The following DUSP7 variants were observed in gnomAD, a reference collection of about 807,000 sequenced individuals.
DUSP7 encodes the protein dual specificity protein phosphatase 7.
DUSP7 carries 7 observed loss-of-function variants against 29.8 expected under a neutral mutation model. The observed-to-expected ratio is 0.24, with a 90% CI of 0.13 to 0.44. DUSP7 has a LOEUF of 0.44. Ranked by LOEUF, DUSP7 falls within the 20% of genes least tolerant of loss-of-function variation. DUSP7 has a pLI of 1.00. For missense variants in DUSP7, 400 were observed against 583.7 expected, an observed-to-expected ratio of 0.69 and a Z score of 3.24; for synonymous variants, 287 against 275.4, an observed-to-expected ratio of 1.04 and a Z score of -0.42.
rs1209832752 is a variant in DUSP7 at position 52,048,994 on chromosome 3, A to G, written c.*1821T>C. ...TGGTTCGGGATATATATATATATGT[A>G]TGTGTGTGTATATATATACGTAGGG... On this transcript the variant is annotated 3_prime_UTR_variant, in exon 3 of 3. Transcript: ENST00000495880. 1.3e-5 allele frequency: 2 copies of G among 152,284 alleles called. No individual in the cohort carries two copies. The highest frequency in any genetic ancestry group is 2.9e-5 in the Non-Finnish European group (2 of 68,032). 9.4% of individuals were successfully genotyped at this position (152,284 alleles called of 1,614,324 possible).
Position 52,050,580 on chromosome 3 carries a change from A to T in DUSP7, c.*235T>A, listed in dbSNP as rs1701835332. On this transcript the variant is annotated 3_prime_UTR_variant, in exon 3 of 3. Transcript: ENST00000495880. This position sits in a 1 kb window ranked among gnomAD's most constrained non-coding sequence, Gnocchi z 5.0. Reference sequence around the variant, plus strand: ...GGATGAGGCCCTGGTGGACGCCCAAAGCCACGTGTCCAAGAGCCGAGGCCT... The same window carrying T: ...GGATGAGGCCCTGGTGGACGCCCAATGCCACGTGTCCAAGAGCCGAGGCCT... 4 of 523,508 alleles carry T rather than the reference A, an allele frequency of 7.6e-6. No homozygotes were observed. Among genetic ancestry groups the T allele is most frequent in the Non-Finnish European group, 1.0e-5 (3 of 297,582 alleles). 32.4% of individuals were successfully genotyped at this position (523,508 alleles called of 1,614,324 possible). A position where few individuals can be genotyped will look rare whatever the true frequency, so the allele number is the denominator to read the frequency against.
At position 52,050,292 on chromosome 3, in the gene DUSP7, CTG is replaced by C. The variant is rs1338205953; in HGVS notation, c.*521_*522del. The C allele has an allele frequency of 6.6e-6, 1 of 151,430 alleles. No individual in the cohort carries two copies. The highest frequency in any genetic ancestry group is 2.4e-5 in the African/African-American group (1 of 41,096). The allele number at this position is 151,430 out of a possible 1,614,324, so 9.4% of individuals were successfully genotyped here. On this transcript the variant is annotated 3_prime_UTR_variant, in exon 3 of 3. Transcript: ENST00000495880. This position sits in a 1 kb window ranked among gnomAD's most constrained non-coding sequence, Gnocchi z 5.0. ...TTTTGAAATTGAACGAAAAACAAAACTGAACATTTCTCTCTCTTGCAGGATCA... is the reference window on the plus strand; with the variant it reads ...TTTTGAAATTGAACGAAAAACAAAACAACATTTCTCTCTCTTGCAGGATCA...
rs1431595501 is a variant in DUSP7, at chr3:52,050,240, A to G, written c.*575T>C. The G allele has an allele frequency of 6.6e-6, 1 of 152,266 alleles. No homozygotes were observed. The highest frequency in any genetic ancestry group is 2.4e-5 in the African/African-American group (1 of 41,468). 9.4% of individuals were successfully genotyped at this position (152,266 alleles called of 1,614,324 possible). A position where few individuals can be genotyped will look rare whatever the true frequency, so the allele number is the denominator to read the frequency against. Reference sequence around the variant, plus strand: ...CGTCTGTCTTTTCCATTAAAAAACAAAAACAAAAACAAACACGATACTTGC... The same window carrying G: ...CGTCTGTCTTTTCCATTAAAAAACAGAAACAAAAACAAACACGATACTTGC... On this transcript the variant is annotated 3_prime_UTR_variant, in exon 3 of 3. Coordinates refer to ENST00000495880, the MANE Select transcript of DUSP7 (RefSeq NM_001947.4). The surrounding 1 kb of genome is among the most constrained non-coding windows in gnomAD (Gnocchi z 5.0).
intron 1 of DUSP7, 140 bp downstream of exon 1, chr3:52,055,710 G>C: frequency 9.3e-7 from 1 of 1,077,942 alleles, no homozygotes; most frequent in South Asian, 1.8e-5. Context: ...CCCGGCTCCA[G>C]GAGGGCGGAT....
Position 52,051,267 on chromosome 3 carries a change from T to A in DUSP7, c.953-145A>T. ...CTGAGGGACCTGGCCAAGCCCAGTG[T>A]GGGTAGGGCAGCAACTTGGAATAGA... On this transcript the variant is annotated intron_variant, in intron 2 of 2. Transcript: ENST00000495880. This position sits in a 1 kb window ranked among gnomAD's most constrained non-coding sequence, Gnocchi z 4.8. 1 of 881,600 alleles carries A rather than the reference T, an allele frequency of 1.1e-6. No individual in the cohort carries two copies. The allele number at this position is 881,600 out of a possible 1,614,324, so 54.6% of individuals were successfully genotyped here.
chr3:52,055,817 C>A, intron 1 of DUSP7, 33 bp downstream of exon 1: 1 of 1,491,526 alleles, frequency 6.7e-7, no homozygotes, highest in Non-Finnish European at 8.9e-7. Context: ...GGGGGGGCCC[C>A]GATCCCGTAA....
Position 52,050,480 on chromosome 3 carries a change from A to G in DUSP7, c.*335T>C, listed in dbSNP as rs904211532. ...TTTACCTGCCAAAAGTAAAAAGTAA[A>G]CTCAGGTCCGTGGATGTGTCTTTAA... On this transcript the variant is annotated 3_prime_UTR_variant, in exon 3 of 3. Transcript: ENST00000495880. This position sits in a 1 kb window ranked among gnomAD's most constrained non-coding sequence, Gnocchi z 5.0. The G allele has an allele frequency of 4.3e-6, 1 of 230,772 alleles. No individual in the cohort carries two copies. Among genetic ancestry groups the G allele is most frequent in the African/African-American group, 2.3e-5 (1 of 44,282 alleles). The allele number at this position is 230,772 out of a possible 1,614,324, so 14.3% of individuals were successfully genotyped here. A position where few individuals can be genotyped will look rare whatever the true frequency, so the allele number is the denominator to read the frequency against.
rs368809169 is a variant in DUSP7 at position 52,054,304 on chromosome 3, C to T, written c.588G>A (p.Pro196=). 15 of 1,585,976 alleles carry T rather than the reference C, an allele frequency of 9.5e-6. No individual in the cohort carries two copies. The highest frequency in any genetic ancestry group is 1.7e-4 in the Middle Eastern group (1 of 5,930). Residue 196 remains proline, a synonymous_variant, in exon 2 of 3, where the codon CCG becomes CCA. Coordinates refer to ENST00000495880, the MANE Select transcript of DUSP7 (RefSeq NM_001947.4). This position sits in a 1 kb window ranked among gnomAD's most constrained non-coding sequence, Gnocchi z 4.1. ...CETNVDSSSS[P]SSSPPTSVLG... ...GCACTGAGGTGGGTGGCGAGCTGCT[C>T]GGCGAGGAAGAGCTGTCCACGTTGG...
At position 52,050,387 on chromosome 3, in the gene DUSP7, TAA is replaced by T. The variant is rs56411906; in HGVS notation, c.*426_*427del. The T allele has an allele frequency of 4.4e-3, 564 of 127,992 alleles. 3 individuals carry two copies. Among genetic ancestry groups the T allele is most frequent in the African/African-American group, 9.5e-3 (332 of 34,850 alleles). 7.9% of individuals were successfully genotyped at this position (127,992 alleles called of 1,614,324 possible). ...GTAGCCTGAAAATAACACTTTTTGT[TAA>T]AAAAAAAAAAAAAAAAGAAAAATCA... On this transcript the variant is annotated 3_prime_UTR_variant, in exon 3 of 3. Transcript: ENST00000495880. The surrounding 1 kb of genome is among the most constrained non-coding windows in gnomAD (Gnocchi z 5.0).
Position 52,056,367 on chromosome 3 carries a change from G to T in DUSP7, c.-1C>A. The T allele has an allele frequency of 9.0e-7, 1 of 1,109,306 alleles. No homozygotes were observed. The highest frequency in any genetic ancestry group is 1.1e-6 in the Non-Finnish European group (1 of 911,766). 68.7% of individuals were successfully genotyped at this position (1,109,306 alleles called of 1,614,324 possible). On this transcript the variant is annotated 5_prime_UTR_variant, in exon 1 of 3. Coordinates refer to ENST00000495880, the MANE Select transcript of DUSP7 (RefSeq NM_001947.4). The surrounding 1 kb of genome is among the most constrained non-coding windows in gnomAD (Gnocchi z 6.4). The stretch of plus-strand genomic sequence containing the variant: ...GGGGGCCGCGGAGCTGGTTTTTCAT[G>T]GGGAGCGCGGGCGGCCCGGGGCCGG...
rs561277954 is a variant in DUSP7, at chr3:52,050,518, C to G, written c.*297G>C. 1.0e-5 allele frequency: 3 copies of G among 301,282 alleles called. No homozygotes were observed. Among genetic ancestry groups the G allele is most frequent in the Admixed American group, 9.5e-5 (2 of 21,140 alleles). The allele number at this position is 301,282 out of a possible 1,614,324, so 18.7% of individuals were successfully genotyped here. On this transcript the variant is annotated 3_prime_UTR_variant, in exon 3 of 3. Coordinates refer to ENST00000495880, the MANE Select transcript of DUSP7 (RefSeq NM_001947.4). The surrounding 1 kb of genome is among the most constrained non-coding windows in gnomAD (Gnocchi z 5.0). ...GATGTGTCTTTAAAAAACAGCCAAA[C>G]TGGCTGGGCTGTCAGCAGAAAGGAG...
In DUSP7 at chr3:52,056,284, C is replaced by A; in HGVS notation, c.83G>T (p.Gly28Val). ...GAAAAGGTRAGSEPGAGSGSG... is the reference protein window; with the variant it reads ...GAAAAGGTRAVSEPGAGSGSG... ...CCCCGACCCCGCACCGGGCTCGGAC[C>A]CCGCCCGGGTGCCCCCAGCCGCCGC... is the stretch of plus-strand genomic sequence containing the variant. The change falls in exon 1 of 3, where the codon GGG (glycine) becomes GTG (valine). Residue 28 changes from glycine to valine, a missense_variant. Around this residue, in one of 4 missense-constraint regions of DUSP7, gnomAD observed 96 missense variants for 97.1 expected, o/e 0.99. Coordinates refer to ENST00000495880, the MANE Select transcript of DUSP7 (RefSeq NM_001947.4). This position sits in a 1 kb window ranked among gnomAD's most constrained non-coding sequence, Gnocchi z 6.4. 1.6e-6 allele frequency: 2 copies of A among 1,227,554 alleles called. No individual in the cohort carries two copies. The highest frequency in any genetic ancestry group is 2.0e-6 in the Non-Finnish European group (2 of 987,270). 76.0% of individuals were successfully genotyped at this position (1,227,554 alleles called of 1,614,324 possible).
chr3:52,050,924 G>A lies in DUSP7; in HGVS notation c.1151C>T (p.Thr384Met), dbSNP rs768754206. The A allele has an allele frequency of 2.8e-5, 46 of 1,614,156 alleles. No individual in the cohort carries two copies. Among genetic ancestry groups the A allele is most frequent in the African/African-American group, 6.7e-5 (5 of 74,952 alleles). Residue 384 changes from threonine (T) to methionine (M), a missense_variant, in exon 3 of 3, where the codon ACG becomes ATG. Around this residue, in one of 4 missense-constraint regions of DUSP7, gnomAD observed 75 missense variants for 95.0 expected, o/e 0.79. Coordinates refer to ENST00000495880, the MANE Select transcript of DUSP7 (RefSeq NM_001947.4). The surrounding 1 kb of genome is among the most constrained non-coding windows in gnomAD (Gnocchi z 5.0). ...GTCGCACGGGCTGCTTAGCCCCAGC[G>A]TCCGCTCAAAGTCCAGCAGCTGCCC... is the stretch of plus-strand genomic sequence containing the variant. Reference protein sequence around the residue: ...FMGQLLDFERTLGLSSPCDNH... With the variant: ...FMGQLLDFERMLGLSSPCDNH...
Position 52,054,464 on chromosome 3 carries a change from G to T in DUSP7, c.518-90C>A. ...ACCAGAGATGGCCAGGACTCTGCAC[G>T]CCAAACACCACAGCACCCACGGTCA... is the stretch of plus-strand genomic sequence containing the variant. On this transcript the variant is annotated intron_variant, in intron 1 of 2. Transcript: ENST00000495880. The surrounding 1 kb of genome is among the most constrained non-coding windows in gnomAD (Gnocchi z 4.1). 1 of 1,106,750 alleles carries T rather than the reference G, an allele frequency of 9.0e-7. No homozygotes were observed. The highest frequency in any genetic ancestry group is 1.3e-6 in the Non-Finnish European group (1 of 782,654). The allele number at this position is 1,106,750 out of a possible 1,614,324, so 68.6% of individuals were successfully genotyped here. A position where few individuals can be genotyped will look rare whatever the true frequency, so the allele number is the denominator to read the frequency against.
Position 52,050,837 on chromosome 3 carries a change from A to C in DUSP7, c.1238T>G (p.Leu413Arg), listed in dbSNP as rs1182640617. The C allele has an allele frequency of 1.9e-6, 3 of 1,613,108 alleles. No individual in the cohort carries two copies. The Admixed American group carries it at 5.0e-5, about 27-fold the overall frequency. Residue 413 changes from leucine to arginine, a missense_variant, in exon 3 of 3, where the codon CTC becomes CGC. Coordinates refer to ENST00000495880, the MANE Select transcript of DUSP7 (RefSeq NM_001947.4). This position sits in a 1 kb window ranked among gnomAD's most constrained non-coding sequence, Gnocchi z 5.0. ...STPTNHNLFP[L>R]NTLEST ...GCCTCACGTGGACTCCAGCGTATTG[A>C]GTGGGAACAGGTTGTGGTTGGTGGG... is the stretch of plus-strand genomic sequence containing the variant.
rs765920394 is a variant in DUSP7 at position 52,053,823 on chromosome 3, T to C, written c.952+117A>G. 16 of 1,156,102 alleles carry C rather than the reference T, an allele frequency of 1.4e-5. No individual in the cohort carries two copies. In the East Asian group the frequency reaches 3.2e-4, roughly 23 times the overall value. The allele number at this position is 1,156,102 out of a possible 1,614,324, so 71.6% of individuals were successfully genotyped here. ...ACCCACGGGCACACGCTGGCACACG[T>C]AGGGCACACACAGGTCTCAACAGGC... On this transcript the variant is annotated intron_variant, in intron 2 of 2. Transcript: ENST00000495880. This position sits in a 1 kb window ranked among gnomAD's most constrained non-coding sequence, Gnocchi z 4.6.
In DUSP7 at chr3:52,056,172, C is replaced by T; in HGVS notation, c.195G>A (p.Glu65=). ...GCAGCAAGGACGCGCCGCCGCGCGC[C>T]TCCAGCTCCTCCTGCAGCCACTCGG... is the stretch of plus-strand genomic sequence containing the variant. ...KSAEWLQEEL[E]ARGGASLLLL... Residue 65 remains glutamate (E), a synonymous_variant, in exon 1 of 3, where the codon GAG becomes GAA. Coordinates refer to ENST00000495880, the MANE Select transcript of DUSP7 (RefSeq NM_001947.4). This position sits in a 1 kb window ranked among gnomAD's most constrained non-coding sequence, Gnocchi z 6.4. 1 of 1,585,582 alleles carries T rather than the reference C, an allele frequency of 6.3e-7. No individual in the cohort carries two copies. Among genetic ancestry groups the T allele is most frequent in the Non-Finnish European group, 8.5e-7 (1 of 1,172,808 alleles).
At position 52,056,135 on chromosome 3, in the gene DUSP7, G is replaced by T. The variant is rs1184275523; in HGVS notation, c.232C>A (p.Arg78=). The T allele has an allele frequency of 3.7e-6, 6 of 1,602,194 alleles. No homozygotes were observed. The highest frequency in any genetic ancestry group is 5.1e-6 in the Non-Finnish European group (6 of 1,178,232). Residue 78 remains arginine, a synonymous_variant, in exon 1 of 3, where the codon CGG becomes AGG. Transcript: ENST00000495880. The surrounding 1 kb of genome is among the most constrained non-coding windows in gnomAD (Gnocchi z 6.4). ...GGASLLLLDC[R]PHELFESSHI... ...GACGACTCGAAGAGCTCGTGCGGCC[G>T]GCAGTCGAGCAGCAGCAAGGACGCG...
rs1301422472 is a variant in DUSP7, at chr3:52,055,845, C to T, written c.517+5G>A. ...TCCCGTAAGGCGTCTCGGTGCCGCC[C>T]TCACCTTGGAGGTAGTAGGCCTGGC... On this transcript the variant is annotated splice_donor_5th_base_variant and intron_variant, in intron 1 of 2. Coordinates refer to ENST00000495880, the MANE Select transcript of DUSP7 (RefSeq NM_001947.4). The T allele has an allele frequency of 4.5e-6, 7 of 1,541,266 alleles. No homozygotes were observed. Among genetic ancestry groups the T allele is most frequent in the Non-Finnish European group, 6.1e-6 (7 of 1,146,194 alleles).
Sources: allele counts gnomAD v4.1 joint callset, GRCh38; gene constraint gnomAD v4.1.1; regional missense constraint gnomAD v4.1.1; non-coding constraint Gnocchi (gnomAD v3.1); transcripts MANE v1.5; gene names NCBI Gene and HGNC (gene_info 2026-07-23, HGNC 2026-07-21).